The following PCYT1B variants were observed in gnomAD, a reference collection of about 807,000 sequenced individuals.
PCYT1B encodes choline-phosphate cytidylyltransferase B.
In PCYT1B, 10 loss-of-function variants were observed where a neutral mutation model predicts 26.4. That is an observed-to-expected ratio of 0.38 (90% CI 0.23 to 0.64). The LOEUF (loss-of-function observed/expected upper bound fraction) is 0.64. PCYT1B is among the 30% of genes least tolerant of loss of function. PCYT1B has a pLI of 0.56. For synonymous variants in PCYT1B, 131 were observed against 108.4 expected (o/e 1.21, Z -1.29); for missense variants, 161 against 292.7 (o/e 0.55, Z 3.28).
intron 6 of PCYT1B, 111 bp downstream of exon 6, chrX:24,579,205 G>T: frequency 1.6e-6 from 1 of 643,233 alleles, no homozygotes; most frequent in Non-Finnish European, 2.3e-6. Context: ...AAAAAAGAGA[G>T]AGAGAGAGGG....
At position 24,647,108 on chromosome X, in the gene PCYT1B, C is replaced by A; in HGVS notation, c.-3G>T. ...GCATCAGTGGTAACTACTGGCATGG[C>A]CAGTGAATGCTCCCTCTAGCTCTAC... is the stretch of plus-strand genomic sequence containing the variant. On this transcript the variant is annotated 5_prime_UTR_variant, in exon 1 of 8. Transcript: ENST00000379144. 8.3e-7 allele frequency: 1 copy of A among 1,201,197 alleles called. No homozygotes were observed. The highest frequency in any genetic ancestry group is 1.1e-6 in the Non-Finnish European group (1 of 888,969).
chrX:24,638,979 G>T (rs895291052), intron 1 of PCYT1B, among the ~76,000 whole-genome samples: 1 of 112,896 alleles, frequency 8.9e-6, no homozygotes. Context: ...AGCATCTGAA[G>T]AATAAAACAG....
intron 1 of PCYT1B, among the ~76,000 whole-genome samples, chrX:24,624,235 C>T (rs1925814437): frequency 9.0e-6 from 1 of 111,620 alleles, no homozygotes; most frequent in Non-Finnish European, 1.9e-5. Context: ...TCCCAAAGTG[C>T]TGGGATTACA....
intron 7 of PCYT1B, 65 bp from the exon 8 acceptor site, chrX:24,562,570 A>C (rs1439364529): frequency 5.0e-6 from 5 of 1,003,979 alleles, no homozygotes; most frequent in Admixed American, 5.3e-5. Flanking sequence ...CAAAACAAAA[A>C]GGTAAGGCAG....
intron 1 of PCYT1B, among the ~76,000 whole-genome samples, chrX:24,670,041 TC>T (rs1927206258): frequency 1.6e-5 from 1 of 60,862 alleles, no homozygotes. Context: ...AGACCTTGTC[TC>T]AAAAAAAAAG....
chrX:24,562,796 T>G (rs187229191), intron 7 of PCYT1B, among the ~76,000 whole-genome samples: 33 of 108,245 alleles, frequency 3.0e-4, no homozygotes, highest in African/African-American at 9.1e-4. Flanking sequence ...GGCATGATCT[T>G]GGCTCACTGC....
intron 1 of PCYT1B, among the ~76,000 whole-genome samples, chrX:24,655,198 G>A (rs1926880345): frequency 8.9e-6 from 1 of 112,024 alleles, no homozygotes; most frequent in Admixed American, 9.5e-5. Flanking sequence ...CATAGTAAGT[G>A]GTAGAAGTAT....
intron 1 of PCYT1B, among the ~76,000 whole-genome samples, chrX:24,661,652 T>G (rs1285409283): frequency 1.8e-5 from 2 of 111,808 alleles, no homozygotes; most frequent in Non-Finnish European, 3.8e-5. Context: ...TGTGGAAAAC[T>G]CTATAGAACA....
chrX:24,572,754 T>A (rs1923873106), intron 7 of PCYT1B, among the ~76,000 whole-genome samples: 1 of 110,272 alleles, frequency 9.1e-6, no homozygotes, highest in Non-Finnish European at 1.9e-5. Context: ...GTTTTGACAC[T>A]AATAGCAAGT....
At chrX:24,626,826 T>C (rs761935894) in intron 1 of PCYT1B, among the ~76,000 whole-genome samples, 11 of 111,969 alleles carry the variant, frequency 9.8e-5, no homozygotes, top group South Asian at 3.8e-4. Context: ...GTCCTTGCTG[T>C]GTGCCAGGCA....
Position 24,579,461 on chromosome X carries a change from G to A in PCYT1B, c.566-3C>T. ...TCTCTGCGTTGGAACGAACATCCCT[G>A]TTCAAGTAGAAAAGAGCGGATAGAG... On this transcript the variant is annotated splice_polypyrimidine_tract_variant and splice_region_variant and intron_variant, in intron 5 of 7. Transcript: ENST00000379144. The A allele has an allele frequency of 8.3e-7, 1 of 1,205,107 alleles. No individual in the cohort carries two copies. Among genetic ancestry groups the A allele is most frequent in the Non-Finnish European group, 1.1e-6 (1 of 890,323 alleles).
intron 1 of PCYT1B, among the ~76,000 whole-genome samples, chrX:24,669,149 T>G (rs1254381886): frequency 8.9e-6 from 1 of 112,004 alleles, no homozygotes; most frequent in Admixed American, 9.5e-5. Flanking sequence ...AAAGCAGAAT[T>G]TTCTGCAATG....
At chrX:24,566,305 C>G (rs1264759170) in intron 7 of PCYT1B, among the ~76,000 whole-genome samples, 1 of 112,224 alleles carries the variant, frequency 8.9e-6, no homozygotes, top group African/African-American at 3.2e-5. Flanking sequence ...AAAACCTGTA[C>G]AACTCCAAGA....
intron 1 of PCYT1B, among the ~76,000 whole-genome samples, chrX:24,671,633 G>T (rs760034394): frequency 9.0e-6 from 1 of 111,315 alleles, no homozygotes; most frequent in South Asian, 3.9e-4. Flanking sequence ...GTACAGGAAA[G>T]ACCAGGGCCT....
intron 2 of PCYT1B, among the ~76,000 whole-genome samples, chrX:24,617,535 C>T (rs2074391792): frequency 9.5e-6 from 1 of 104,924 alleles, no homozygotes; most frequent in Non-Finnish European, 2.0e-5. Context: ...GCAACCTCCA[C>T]CTTCTGGATT....
At chrX:24,607,681 G>C in intron 3 of PCYT1B, 64 bp downstream of exon 3, 1 of 572,401 alleles carries the variant, frequency 1.7e-6, no homozygotes, top group Non-Finnish European at 2.9e-6. Flanking sequence ...ACTCTGAAAG[G>C]GGCTCTTTTC....
intron 1 of PCYT1B, among the ~76,000 whole-genome samples, chrX:24,643,371 T>C (rs943334711): frequency 9.0e-6 from 1 of 111,712 alleles, no homozygotes; most frequent in South Asian, 3.8e-4. Context: ...CCTTGCATCA[T>C]GTTTAATCAG....
chrX:24,626,634 T>G (rs1479999822), intron 1 of PCYT1B, among the ~76,000 whole-genome samples: 2 of 112,117 alleles, frequency 1.8e-5, no homozygotes, highest in African/African-American at 6.5e-5. Context: ...GGGAGGTCTA[T>G]ATTAAGAAAA....
Position 24,652,436 on chromosome X carries a change from G to A in PCYT1B, c.63+20134C>T, listed in dbSNP as rs749891937. On this transcript the variant is annotated intron_variant, in intron 1 of 7. Transcript: ENST00000379145. Reference sequence around the variant, plus strand: ...TAGCCAAGCGTGTTGGTGGGCGCCTGTAATCCCATCTACTAAGGAGGCTGA... The same window carrying A: ...TAGCCAAGCGTGTTGGTGGGCGCCTATAATCCCATCTACTAAGGAGGCTGA... 2.6e-4 allele frequency among the ~76,000 whole-genome samples: 29 copies of A among 110,242 alleles called. No homozygotes were observed. The South Asian group carries it at 9.4e-3, about 36-fold the overall frequency.
Sources: gnomAD v4.1 joint callset for allele counts (sites outside exome capture counted in the v4.1 genomes callset) on GRCh38, gnomAD v4.1.1 for gene constraint, MANE v1.5 for transcripts, NCBI Gene and HGNC (gene_info 2026-07-23, HGNC 2026-07-21) for gene names.